Variants in RNGTT observed in about 807,000 individuals in gnomAD.
RNGTT encodes the protein RNA guanylyltransferase and 5'-phosphatase.
A neutral mutation model predicts 79.3 loss-of-function variants in RNGTT; 33 were observed. The ratio of observed to expected loss-of-function variants is 0.42; its 90% CI spans 0.32 to 0.56. The LOEUF is 0.56. RNGTT is among the 20% of genes least tolerant of loss of function. RNGTT has a pLI of 0.17. For missense variants in RNGTT, 497 were observed against 739.1 expected (o/e 0.67, Z 3.80); for synonymous variants, 222 against 235.9 (o/e 0.94, Z 0.54).
At chr6:88,929,887 T>TATATACATATGTATAC (rs1554165081) in intron 2 of RNGTT, among the ~76,000 whole-genome samples, 2,748 of 150,676 alleles carry the variant, frequency 0.018, 81 homozygotes, top group African/African-American at 0.064. Context: ...CATACACACA[T>TATATACATATGTATAC]ATATACATAT....
intron 8 of RNGTT, among the ~76,000 whole-genome samples, chr6:88,870,186 T>C (rs977287254): frequency 2.0e-5 from 3 of 152,136 alleles, no homozygotes; most frequent in South Asian, 2.1e-4. Flanking sequence ...ACTGTCAGAA[T>C]TGCTCATTTT....
At chr6:88,752,397 C>T (rs556906087) in intron 13 of RNGTT, among the ~76,000 whole-genome samples, 1 of 151,978 alleles carries the variant, frequency 6.6e-6, no homozygotes, top group Non-Finnish European at 1.5e-5. Context: ...AGTATTTGAA[C>T]TTGGAGTGTC....
intron 14 of RNGTT, among the ~76,000 whole-genome samples, chr6:88,648,179 T>C (rs1773650589): frequency 6.6e-6 from 1 of 152,164 alleles, no homozygotes; most frequent in Non-Finnish European, 1.5e-5. Context: ...ACCTGACAGG[T>C]AGTAAGACTG....
At chr6:88,849,871 A>T (rs748495893) in intron 9 of RNGTT, 45 bp from the exon 10 acceptor site, 4 of 1,475,040 alleles carry the variant, frequency 2.7e-6, no homozygotes, top group Non-Finnish European at 3.6e-6. Context: ...TTTAATAACA[A>T]TTTTTTTTAA....
At position 88,839,057 on chromosome 6, in the gene RNGTT, A is replaced by C. The variant is rs567958623; in HGVS notation, c.1269+5300T>G. Among the ~76,000 whole-genome samples the C allele has an allele frequency of 5.4e-3, 505 of 92,768 alleles. 1 individual carries two copies. The highest frequency in any genetic ancestry group is 0.028 in the African/African-American group (479 of 16,842). The allele number at this position is 92,768 out of a possible 152,430, so 60.9% of individuals were successfully genotyped here. On this transcript the variant is annotated intron_variant, in intron 11 of 15. Transcript: ENST00000369485. ...TAGAAACAACTGAATATCTATATGC[A>C]AAAAAAAAAAAACCATGTCAACAGA...
At chr6:88,863,153 T>C (rs374695545) in intron 8 of RNGTT, among the ~76,000 whole-genome samples, 2 of 152,228 alleles carry the variant, frequency 1.3e-5, no homozygotes, top group South Asian at 4.1e-4. Flanking sequence ...GCAAAGCCTA[T>C]TCACTTCTTC....
chr6:88,801,822 GACACACACACAC>G (rs56124919), intron 11 of RNGTT, among the ~76,000 whole-genome samples, 190 bp from the exon 12 acceptor site: 23 of 123,174 alleles, frequency 1.9e-4, no homozygotes, highest in Admixed American at 4.1e-4. Flanking sequence ...CACACACACA[GACACACACACAC>G]ACACACACAC....
chr6:88,614,148 A>T (rs935760294), intron 15 of RNGTT, 124 bp downstream of exon 15: 60 of 894,802 alleles, frequency 6.7e-5, no homozygotes, highest in Non-Finnish European at 9.7e-5. Flanking sequence ...CTTTCCCATC[A>T]AACAAGGATG....
At chr6:88,885,947 A>G (rs1260310328) in intron 8 of RNGTT, among the ~76,000 whole-genome samples, 1 of 152,222 alleles carries the variant, frequency 6.6e-6, no homozygotes, top group African/African-American at 2.4e-5. Flanking sequence ...AATCTGAGAG[A>G]CAAGCTACAA....
intron 6 of RNGTT, among the ~76,000 whole-genome samples, chr6:88,899,696 A>G (rs1310494323): frequency 6.6e-6 from 1 of 152,184 alleles, no homozygotes; most frequent in Non-Finnish European, 1.5e-5. Flanking sequence ...ACTCAGGAGG[A>G]AGGGAGGCCA....
In RNGTT at chr6:88,671,910, G is replaced by A. The variant is rs543875900; in HGVS notation, c.1506+6443C>T. 1.4e-4 allele frequency among the ~76,000 whole-genome samples: 21 copies of A among 152,070 alleles called. No individual in the cohort carries two copies. The South Asian group carries it at 4.2e-3, about 30-fold the overall frequency. ...GTGCTGGGATAATTGGCAAGCCACA[G>A]GTAGAAAAATGAAACTGGATCCTCT... On this transcript the variant is annotated intron_variant, in intron 14 of 15. Transcript: ENST00000369485.
intron 12 of RNGTT, among the ~76,000 whole-genome samples, chr6:88,798,939 A>G (rs1264669671): frequency 1.3e-5 from 2 of 152,228 alleles, no homozygotes; most frequent in South Asian, 2.1e-4. Flanking sequence ...ATTCAATACT[A>G]GAGGTCCTGG....
chr6:88,775,820 T>C (rs992281261), intron 12 of RNGTT, among the ~76,000 whole-genome samples: 1 of 152,336 alleles, frequency 6.6e-6, no homozygotes, highest in Admixed American at 6.5e-5. Context: ...CTGGCTGATC[T>C]TGCTTAGTAC....
chr6:88,924,775 G>A (rs1248409006), intron 4 of RNGTT, among the ~76,000 whole-genome samples: 2 of 149,938 alleles, frequency 1.3e-5, no homozygotes, highest in Non-Finnish European at 3.0e-5. Context: ...GCCCAAGCTG[G>A]AGTGCAGGTG....
At chr6:88,713,632 T>C (rs1327541311) in intron 13 of RNGTT, among the ~76,000 whole-genome samples, 1 of 152,228 alleles carries the variant, frequency 6.6e-6, no homozygotes, top group African/African-American at 2.4e-5. Context: ...ATATGTACTA[T>C]ATTTATGTTT....
At chr6:88,864,236 T>C (rs1271971326) in intron 8 of RNGTT, among the ~76,000 whole-genome samples, 2 of 152,156 alleles carry the variant, frequency 1.3e-5, no homozygotes, top group Non-Finnish European at 2.9e-5. Context: ...GATCACATCA[T>C]GGTGAAAGAG....
intron 6 of RNGTT, among the ~76,000 whole-genome samples, chr6:88,897,665 T>C (rs1554228935): frequency 1.3e-5 from 2 of 152,168 alleles, no homozygotes; most frequent in Non-Finnish European, 2.9e-5. Context: ...AACCTAACAC[T>C]AGTGCTTGCA....
At chr6:88,912,691 G>A (rs917331871) in intron 4 of RNGTT, among the ~76,000 whole-genome samples, 1 of 152,060 alleles carries the variant, frequency 6.6e-6, no homozygotes, top group Non-Finnish European at 1.5e-5. Context: ...AGCACAATCT[G>A]AAATGACAAA....
At chr6:88,630,906 C>T (rs948877892) in intron 14 of RNGTT, among the ~76,000 whole-genome samples, 1 of 152,070 alleles carries the variant, frequency 6.6e-6, no homozygotes, top group Non-Finnish European at 1.5e-5. Flanking sequence ...TTAAATTGAG[C>T]TTCAAAAGCA....
Sources: gnomAD v4.1 joint callset for allele counts (sites outside exome capture counted in the v4.1 genomes callset) on GRCh38, gnomAD v4.1.1 for gene constraint, MANE v1.5 for transcripts, NCBI Gene and HGNC (gene_info 2026-07-23, HGNC 2026-07-21) for gene names.